Variants in OXGR1 observed in about 807,000 individuals in gnomAD.
OXGR1 encodes 2-oxoglutarate receptor 1.
A neutral mutation model predicts 10.0 loss-of-function variants in OXGR1; 10 were observed. That is an observed-to-expected ratio of 1.00 (90% CI 0.62 to 1.70). OXGR1 has a LOEUF of 1.70. Among genes scored for constraint, OXGR1 ranks in the 40% most tolerant of loss-of-function variants. The pLI is 0.00. For synonymous variants in OXGR1, 191 were observed against 155.9 expected, an observed-to-expected ratio of 1.22 and a Z score of -1.68; for missense variants, 398 against 407.6, an observed-to-expected ratio of 0.98 and a Z score of 0.20.
At chr13:96,994,054 G>A (rs540726895) in intron 1 of OXGR1, among the ~76,000 whole-genome samples, 19 of 152,226 alleles carry the variant, frequency 1.2e-4, no homozygotes, top group African/African-American at 4.6e-4. Context: ...ATGTCTTCTC[G>A]CCCTGGGCTT....
chr13:96,988,584 G>A (rs1047623844), intron 3 of OXGR1, among the ~76,000 whole-genome samples: 1 of 152,176 alleles, frequency 6.6e-6, no homozygotes, highest in African/African-American at 2.4e-5. Flanking sequence ...TGTTTGTGCA[G>A]GGGAGTGTGT....
In OXGR1 at chr13:96,990,772, C is replaced by T. The variant is rs555531629; in HGVS notation, c.-126-963G>A. On this transcript the variant is annotated intron_variant, in intron 2 of 3. Coordinates refer to ENST00000541038, the MANE Select transcript of OXGR1 (RefSeq NM_001346194.2). ...CTGCCTGGCCAGCATTGCAAAACTCCGTCTCTATTAAAAATACAAAAAAAA... is the reference window on the plus strand; with the variant it reads ...CTGCCTGGCCAGCATTGCAAAACTCTGTCTCTATTAAAAATACAAAAAAAA... 1.5e-4 allele frequency among the ~76,000 whole-genome samples: 23 copies of T among 151,758 alleles called. 2 individuals are homozygous for T. The South Asian group carries it at 2.1e-3, about 14-fold the overall frequency.
rs1881742716 is a variant in OXGR1, at chr13:96,986,445, T to C, written c.*301A>G. 1 of 291,018 alleles carries C rather than the reference T, an allele frequency of 3.4e-6. No individual in the cohort carries two copies. The highest frequency in any genetic ancestry group is 7.8e-5 in the East Asian group (1 of 12,774). The allele number at this position is 291,018 out of a possible 1,614,324, so 18.0% of individuals were successfully genotyped here. A position where few individuals can be genotyped will look rare whatever the true frequency, so the allele number is the denominator to read the frequency against. ...GGCAAGGGTAAGAAATTGGTTTCCG[T>C]GTATATATAGTAAGTTGGTGGGAAC... On this transcript the variant is annotated 3_prime_UTR_variant, in exon 4 of 4. Transcript: ENST00000541038.
chr13:96,988,330 G>A (rs1371454763), intron 3 of OXGR1, among the ~76,000 whole-genome samples: 1 of 152,020 alleles, frequency 6.6e-6, no homozygotes, highest in South Asian at 2.1e-4. Flanking sequence ...ATCCACACTC[G>A]CATTTTTCTG....
In OXGR1 at chr13:96,986,625, CA is replaced by C; in HGVS notation, c.*120del. On this transcript the variant is annotated 3_prime_UTR_variant, in exon 4 of 4. Coordinates refer to ENST00000541038, the MANE Select transcript of OXGR1 (RefSeq NM_001346194.2). ...TAGAAGCTCTGCCCTGGCTTTGGCA[CA>C]TGATTACTTGAATACACAGTATTTA... 9.3e-7 allele frequency: 1 copy of C among 1,077,344 alleles called. No homozygotes were observed. The highest frequency in any genetic ancestry group is 1.3e-6 in the Non-Finnish European group (1 of 757,970). 66.7% of individuals were successfully genotyped at this position (1,077,344 alleles called of 1,614,324 possible). A position where few individuals can be genotyped will look rare whatever the true frequency, so the allele number is the denominator to read the frequency against.
rs1882210232 is a variant in OXGR1 at position 96,994,336 on chromosome 13, CT to C, written c.-317del. The C allele has an allele frequency of 1.3e-5, 2 of 152,406 alleles. No homozygotes were observed. The highest frequency in any genetic ancestry group is 4.8e-5 in the African/African-American group (2 of 41,574). 9.4% of individuals were successfully genotyped at this position (152,406 alleles called of 1,614,324 possible). A position where few individuals can be genotyped will look rare whatever the true frequency, so the allele number is the denominator to read the frequency against. Reference sequence around the variant, plus strand: ...CGAGGCGGACATGCGCCCAGCGTGCCTGTGCAGCCTAGTTGGTCCCGGACCG... The same window carrying C: ...CGAGGCGGACATGCGCCCAGCGTGCCGTGCAGCCTAGTTGGTCCCGGACCG... On this transcript the variant is annotated 5_prime_UTR_variant, in exon 1 of 4. It introduces an in-frame stop codon into an upstream open reading frame of the 5' UTR. Transcript: ENST00000541038.
chr13:96,987,631 G>A lies in OXGR1; in HGVS notation c.129C>T (p.Ile43=). 6.2e-7 allele frequency: 1 copy of A among 1,614,196 alleles called. No homozygotes were observed. The highest frequency in any genetic ancestry group is 1.1e-5 in the South Asian group (1 of 91,076). Residue 43 remains isoleucine, a synonymous_variant, in exon 4 of 4, where the codon ATC becomes ATT. Coordinates refer to ENST00000541038, the MANE Select transcript of OXGR1 (RefSeq NM_001346194.2). The part of the protein sequence containing the change: ...MHYLPVIYGI[I]FLVGFPGNAV... ...CATTGCCTGGAAATCCCACGAGGAAGATAATGCCATAAATAACAGGGAGGT... is the reference window on the plus strand; with the variant it reads ...CATTGCCTGGAAATCCCACGAGGAAAATAATGCCATAAATAACAGGGAGGT...
At chr13:96,992,324 T>G (rs1195657177) in intron 2 of OXGR1, 98 bp downstream of exon 2, 1 of 152,194 alleles carries the variant, frequency 6.6e-6, no homozygotes, top group Non-Finnish European at 1.5e-5. Context: ...TCACATTGCA[T>G]GCCTGTATCA....
intron 1 of OXGR1, among the ~76,000 whole-genome samples, chr13:96,993,853 A>G (rs966832212): frequency 3.3e-5 from 5 of 152,120 alleles, no homozygotes; most frequent in Non-Finnish European, 4.4e-5. Flanking sequence ...TTCCAACACC[A>G]CACAGTCCAC....
chr13:96,987,706 T>C lies in OXGR1; in HGVS notation c.54A>G (p.Ala18=), dbSNP rs147138921. The change falls in exon 4 of 4, where the codon GCA becomes GCG. Residue 18 remains alanine, a synonymous_variant. Transcript: ENST00000541038. ...CATCAGTGCAATTTCCAAAAGCAGCTGCATAATCGGGGAAATCAGAAGCAT... is the reference window on the plus strand; with the variant it reads ...CATCAGTGCAATTTCCAAAAGCAGCCGCATAATCGGGGAAATCAGAAGCAT... The part of the protein sequence containing the change: ...LANASDFPDY[A]AAFGNCTDEN... 5 of 1,611,798 alleles carry C rather than the reference T, an allele frequency of 3.1e-6. No homozygotes were observed. Among genetic ancestry groups the C allele is most frequent in the Non-Finnish European group, 3.4e-6 (4 of 1,178,596 alleles).
At chr13:96,991,275 C>T (rs1031309783) in intron 2 of OXGR1, among the ~76,000 whole-genome samples, 2 of 152,132 alleles carry the variant, frequency 1.3e-5, no homozygotes, top group East Asian at 1.9e-4. Flanking sequence ...CACAAAAAAC[C>T]GGTCTGGGCT....
At chr13:96,994,605 G>A (rs1200990930), upstream of OXGR1, 1 of 152,282 alleles carries the variant, frequency 6.6e-6, no homozygotes, top group African/African-American at 2.4e-5. Flanking sequence ...CAAAAAACCA[G>A]CCCGGCGGGA....
At chr13:96,994,538 A>G (rs1467976436), upstream of OXGR1, 1 of 152,196 alleles carries the variant, frequency 6.6e-6, no homozygotes, top group African/African-American at 2.4e-5. Flanking sequence ...ACCTCTGGAC[A>G]TCCTCCATCC....
At position 96,986,884 on chromosome 13, in the gene OXGR1, A is replaced by T. The variant is rs1319811719; in HGVS notation, c.876T>A (p.Ala292=). The change falls in exon 4 of 4, where the codon GCT becomes GCA. Residue 292 remains alanine (A), a synonymous_variant. Coordinates refer to ENST00000541038, the MANE Select transcript of OXGR1 (RefSeq NM_001346194.2). ...GTAACAGGTTACCAAAGGTGTTCAG[A>T]GCAGCTAATGGTCTAGAAACGATGT... ...EAYIVSRPLA[A]LNTFGNLLLY... 1 of 1,614,108 alleles carries T rather than the reference A, an allele frequency of 6.2e-7. No individual in the cohort carries two copies. Among genetic ancestry groups the T allele is most frequent in the East Asian group, 2.2e-5 (1 of 44,896 alleles).
intron 1 of OXGR1, among the ~76,000 whole-genome samples, chr13:96,993,386 T>C (rs939090619): frequency 2.6e-5 from 4 of 151,962 alleles, no homozygotes; most frequent in African/African-American, 9.7e-5. Flanking sequence ...GTCTGGCTAA[T>C]TTTTTGTATT....
rs765856782 is a variant in OXGR1, at chr13:96,990,946, C to CAAAAAAAAAAAAAAAAAAAAAAAAA, written c.-126-1138_-126-1137insTTTTTTTTTTTTTTTTTTTTTTTTT. On this transcript the variant is annotated intron_variant, in intron 2 of 3. Transcript: ENST00000541038. Reference sequence around the variant, plus strand: ...CCTGAGTGACACAGCAAGACTCTTTCAAAAAAAAAAAAAAAAGCAAGCTTA... The same window carrying CAAAAAAAAAAAAAAAAAAAAAAAAA: ...CCTGAGTGACACAGCAAGACTCTTTCAAAAAAAAAAAAAAAAAAAAAAAAAAAAAAAAAAAAAAAAAGCAAGCTTA... Among the ~76,000 whole-genome samples the CAAAAAAAAAAAAAAAAAAAAAAAAA allele has an allele frequency of 3.4e-4, 33 of 97,154 alleles. 1 individual carries two copies. Among genetic ancestry groups the CAAAAAAAAAAAAAAAAAAAAAAAAA allele is most frequent in the African/African-American group, 1.4e-3 (30 of 21,044 alleles). The allele number at this position is 97,154 out of a possible 152,430, so 63.7% of individuals were successfully genotyped here.
rs1881824491 is a variant in OXGR1 at position 96,987,492 on chromosome 13, T to A, written c.268A>T (p.Ile90Phe). ...LLYLTSLPFL[I>F]HYYASGENWI... ...TTTTCGCCACTGGCATAGTAGTGAATCAGGAAGGGGAGGCTGGTCAGATAC... is the reference window on the plus strand; with the variant it reads ...TTTTCGCCACTGGCATAGTAGTGAAACAGGAAGGGGAGGCTGGTCAGATAC... The change falls in exon 4 of 4, where the codon ATT (isoleucine) becomes TTT (phenylalanine). Residue 90 changes from isoleucine to phenylalanine, a missense_variant. Physicochemically the swap from Ile to Phe is conservative, Grantham distance 21. Transcript: ENST00000541038. 2 of 1,614,058 alleles carry A rather than the reference T, an allele frequency of 1.2e-6. No homozygotes were observed. The highest frequency in any genetic ancestry group is 1.7e-6 in the Non-Finnish European group (2 of 1,180,046).
Position 96,994,374 on chromosome 13 carries a change from C to G in OXGR1, c.-354G>C, listed in dbSNP as rs1470087182. ...TTGGTCCCGGACCGCAGACCTGTCC[C>G]GGGGAGGCTGCGCACCGCCCCGCCC... On this transcript the variant is annotated 5_prime_UTR_variant, in exon 1 of 4. Transcript: ENST00000541038. 1.3e-5 allele frequency: 2 copies of G among 152,242 alleles called. No individual in the cohort carries two copies. Among genetic ancestry groups the G allele is most frequent in the Admixed American group, 6.5e-5 (1 of 15,282 alleles). The allele number at this position is 152,242 out of a possible 1,614,324, so 9.4% of individuals were successfully genotyped here.
chr13:96,990,211 G>A (rs956105754), intron 2 of OXGR1, among the ~76,000 whole-genome samples: 1 of 152,154 alleles, frequency 6.6e-6, no homozygotes, highest in African/African-American at 2.4e-5. Context: ...ATGGACTCAT[G>A]CATAAGGAGC....
Sources: gnomAD v4.1 joint callset for allele counts (sites outside exome capture counted in the v4.1 genomes callset) on GRCh38, gnomAD v4.1.1 for gene constraint, MANE v1.5 for transcripts, NCBI Gene and HGNC (gene_info 2026-07-23, HGNC 2026-07-21) for gene names.